Variants in KCNQ1 observed in about 807,000 individuals in gnomAD.
The protein encoded by KCNQ1 is potassium voltage-gated channel subfamily KQT member 1.
In KCNQ1, 49 loss-of-function variants were observed where a neutral mutation model predicts 72.4. The ratio of observed to expected loss-of-function variants is 0.68; its 90% CI spans 0.54 to 0.86. The LOEUF (loss-of-function observed/expected upper bound fraction) is 0.86, where lower values mean the gene tolerates loss of function less well. Ranked by LOEUF, KCNQ1 falls within the 40% of genes least tolerant of loss-of-function variation. The pLI, the probability that KCNQ1 is intolerant of heterozygous loss-of-function variation, is 0.00. For missense variants in KCNQ1, 790 were observed against 945.1 expected (o/e 0.84, Z 2.15); for synonymous variants, 450 against 412.6 (o/e 1.09, Z -1.10).
intron 1 of KCNQ1, among the ~76,000 whole-genome samples, chr11:2,523,167 C>T (rs983889576): frequency 6.6e-5 from 10 of 152,196 alleles, no homozygotes; most frequent in African/African-American, 1.9e-4. Context: ...TAACCAGCAT[C>T]CATCACTGCT....
chr11:2,501,150 A>G (rs1029524520), intron 1 of KCNQ1, among the ~76,000 whole-genome samples: 2 of 152,338 alleles, frequency 1.3e-5, no homozygotes, highest in Non-Finnish European at 1.5e-5. Context: ...GAGTAAGTCA[A>G]CCTAAAATTA....
In KCNQ1 at chr11:2,627,486, T is replaced by C; in HGVS notation, c.1394-34475T>C. The C allele has an allele frequency of 5.0e-6, 2 of 398,544 alleles. No individual in the cohort carries two copies. 24.7% of individuals were successfully genotyped at this position (398,544 alleles called of 1,614,324 possible). On this transcript the variant is annotated intron_variant, in intron 10 of 15. Transcript: ENST00000155840. The surrounding 1 kb of genome is among the most constrained non-coding windows in gnomAD (Gnocchi z 4.9). ...ACTCCCTGACCCCTAGTAACCACCC[T>C]TCTACTCTCCGTTTCTCTGAGTTCA...
Position 2,769,465 on chromosome 11 carries a change from C to T in KCNQ1, c.1590+546C>T, listed in dbSNP as rs535430229. Among the ~76,000 whole-genome samples, 2 of 152,274 alleles carry T rather than the reference C, an allele frequency of 1.3e-5. No homozygotes were observed. The highest frequency in any genetic ancestry group is 2.1e-4 in the South Asian group (1 of 4,822). On this transcript the variant is annotated intron_variant, in intron 12 of 15. Transcript: ENST00000155840. The surrounding 1 kb of genome is among the most constrained non-coding windows in gnomAD (Gnocchi z 4.6). The stretch of plus-strand genomic sequence containing the variant: ...CCTTGGCCAGGTGAGGCTGGAGCTC[C>T]AGGGCTTCCATAAGCTGCCCTAACT...
chr11:2,453,946 A>AT (rs1846148784), intron 1 of KCNQ1, among the ~76,000 whole-genome samples: 1 of 152,074 alleles, frequency 6.6e-6, no homozygotes, highest in Non-Finnish European at 1.5e-5. Context: ...TTATTTAATT[A>AT]TTTTTTTCAG....
rs1364024550 is a variant in KCNQ1 at position 2,665,321 on chromosome 11, AAGT to A, written c.1514+3243_1514+3245del. On this transcript the variant is annotated intron_variant, in intron 11 of 15. Coordinates refer to ENST00000155840, the MANE Select transcript of KCNQ1 (RefSeq NM_000218.3). The stretch of plus-strand genomic sequence containing the variant: ...ACAGGGCTTCTGAGAGAAAGGTGGG[AAGT>A]AGAGACTGTAGGCCTGCATGGGCAG... 3 of 398,092 alleles carry A rather than the reference AAGT, an allele frequency of 7.5e-6. No homozygotes were observed. In the East Asian group the frequency reaches 1.1e-4, roughly 14 times the overall value. The allele number at this position is 398,092 out of a possible 1,614,324, so 24.7% of individuals were successfully genotyped here.
rs1847913055 is a variant in KCNQ1, at chr11:2,547,272, C to A, written c.477+19254C>A. Among the ~76,000 whole-genome samples the A allele has an allele frequency of 6.6e-6, 1 of 152,162 alleles. No homozygotes were observed. Among genetic ancestry groups the A allele is most frequent in the Admixed American group, 6.5e-5 (1 of 15,272 alleles). On this transcript the variant is annotated intron_variant, in intron 2 of 15. Transcript: ENST00000155840. The surrounding 1 kb of genome is among the most constrained non-coding windows in gnomAD (Gnocchi z 4.2). ...TGCGAAACAGTTTCCCTCTGTTGCC[C>A]AGGCTAGAGTGCAGTGGCATGATCT...
In KCNQ1 at chr11:2,623,912, A is replaced by T; in HGVS notation, c.1393+35058A>T. On this transcript the variant is annotated intron_variant, in intron 10 of 15. Coordinates refer to ENST00000155840, the MANE Select transcript of KCNQ1 (RefSeq NM_000218.3). This position sits in a 1 kb window ranked among gnomAD's most constrained non-coding sequence, Gnocchi z 5.2. Reference sequence around the variant, plus strand: ...TTCAGAAGTGGAATTGATGGATCCTATGATAATTCCATTTTTAATTCTTTG... The same window carrying T: ...TTCAGAAGTGGAATTGATGGATCCTTTGATAATTCCATTTTTAATTCTTTG... 2.5e-6 allele frequency: 1 copy of T among 398,582 alleles called. No individual in the cohort carries two copies. Among genetic ancestry groups the T allele is most frequent in the Non-Finnish European group, 4.4e-6 (1 of 226,046 alleles). 24.7% of individuals were successfully genotyped at this position (398,582 alleles called of 1,614,324 possible). A position where few individuals can be genotyped will look rare whatever the true frequency, so the allele number is the denominator to read the frequency against.
intron 10 of KCNQ1, chr11:2,648,311 T>G (rs945912310): frequency 2.0e-5 from 8 of 398,470 alleles, no homozygotes; most frequent in Middle Eastern, 6.2e-4. Context: ...TCCTTCTAAT[T>G]TTAGGTTTGA....
In KCNQ1 at chr11:2,484,073, G is replaced by A. The variant is rs1366315818; in HGVS notation, c.386+38589G>A. On this transcript the variant is annotated intron_variant, in intron 1 of 15. Coordinates refer to ENST00000155840, the MANE Select transcript of KCNQ1 (RefSeq NM_000218.3). The surrounding 1 kb of genome is among the most constrained non-coding windows in gnomAD (Gnocchi z 5.2). Reference sequence around the variant, plus strand: ...GAGCTGTCCCCTTTGTTCTGGTTATGTATCCAGTGGCTTATGTATATCAGC... The same window carrying A: ...GAGCTGTCCCCTTTGTTCTGGTTATATATCCAGTGGCTTATGTATATCAGC... Among the ~76,000 whole-genome samples the A allele has an allele frequency of 6.6e-6, 1 of 152,160 alleles. No individual in the cohort carries two copies. The highest frequency in any genetic ancestry group is 1.5e-5 in the Non-Finnish European group (1 of 68,020).
chr11:2,614,529 C>T, intron 10 of KCNQ1: 2 of 398,242 alleles, frequency 5.0e-6, no homozygotes, highest in Non-Finnish European at 8.9e-6. Flanking sequence ...ATTTTTTGGT[C>T]TCTGATACAT....
In KCNQ1 at chr11:2,537,385, G is replaced by C. The variant is rs1847750450; in HGVS notation, c.477+9367G>C. On this transcript the variant is annotated intron_variant, in intron 2 of 15. Coordinates refer to ENST00000155840, the MANE Select transcript of KCNQ1 (RefSeq NM_000218.3). This position sits in a 1 kb window ranked among gnomAD's most constrained non-coding sequence, Gnocchi z 5.2. Reference sequence around the variant, plus strand: ...TAGCAGGATAATTTTGGAAAGAGCAGTTGCTAGGGGCATTTAAACTTGCAG... The same window carrying C: ...TAGCAGGATAATTTTGGAAAGAGCACTTGCTAGGGGCATTTAAACTTGCAG... Among the ~76,000 whole-genome samples the C allele has an allele frequency of 1.3e-5, 2 of 152,130 alleles. No individual in the cohort carries two copies. Among genetic ancestry groups the C allele is most frequent in the African/African-American group, 4.8e-5 (2 of 41,354 alleles).
Position 2,813,435 on chromosome 11 carries a change from C to T in KCNQ1, c.1795-34332C>T, listed in dbSNP as rs1332907952. ...CCCGCCTGCCCGTCAGTGCTTAGAGCAAATGCCCCTCCCCCGCCATCTTTT... is the reference window on the plus strand; with the variant it reads ...CCCGCCTGCCCGTCAGTGCTTAGAGTAAATGCCCCTCCCCCGCCATCTTTT... On this transcript the variant is annotated intron_variant, in intron 15 of 15. Transcript: ENST00000155840. The surrounding 1 kb of genome is among the most constrained non-coding windows in gnomAD (Gnocchi z 4.4). Among the ~76,000 whole-genome samples, 5 of 151,844 alleles carry T rather than the reference C, an allele frequency of 3.3e-5. No individual in the cohort carries two copies. The highest frequency in any genetic ancestry group is 2.0e-4 in the Admixed American group (3 of 15,270).
At chr11:2,551,700 C>T (rs1334722263) in intron 2 of KCNQ1, among the ~76,000 whole-genome samples, 1 of 152,198 alleles carries the variant, frequency 6.6e-6, no homozygotes, top group Non-Finnish European at 1.5e-5. Context: ...ATGGTAGGCC[C>T]GTTTTCCACT....
intron 3 of KCNQ1, 122 bp from the exon 4 acceptor site, chr11:2,571,203 C>T (rs1848327913): frequency 1.2e-6 from 1 of 811,290 alleles, no homozygotes; most frequent in South Asian, 1.4e-5. Flanking sequence ...TGTCCCCGGT[C>T]ATCAGGGCGT....
intron 10 of KCNQ1, chr11:2,649,327 T>A: frequency 5.0e-6 from 2 of 398,542 alleles, no homozygotes; most frequent in Non-Finnish European, 4.4e-6. Flanking sequence ...TTTTCTGTAG[T>A]GATAATCTTT....
In KCNQ1 at chr11:2,450,135, C is replaced by A. The variant is rs925380827; in HGVS notation, c.386+4651C>A. ...CCCTCCGTAGCCCTGACATTCCAAA[C>A]TGGCTTTTGGCCCCTGCGATATCTT... On this transcript the variant is annotated intron_variant, in intron 1 of 15. Coordinates refer to ENST00000155840, the MANE Select transcript of KCNQ1 (RefSeq NM_000218.3). The surrounding 1 kb of genome is among the most constrained non-coding windows in gnomAD (Gnocchi z 7.9). Among the ~76,000 whole-genome samples, 1 of 152,232 alleles carries A rather than the reference C, an allele frequency of 6.6e-6. No homozygotes were observed. The highest frequency in any genetic ancestry group is 6.5e-5 in the Admixed American group (1 of 15,292).
At position 2,663,202 on chromosome 11, in the gene KCNQ1, A is replaced by G. The variant is rs115005980; in HGVS notation, c.1514+1121A>G. ...AGGTTGGCAGTACCTCATGGTGGGT[A>G]GGGTGTGAAGAGGCTCCAAGGGAGC... On this transcript the variant is annotated intron_variant, in intron 11 of 15. Coordinates refer to ENST00000155840, the MANE Select transcript of KCNQ1 (RefSeq NM_000218.3). This position sits in a 1 kb window ranked among gnomAD's most constrained non-coding sequence, Gnocchi z 5.2. 1.3e-3 allele frequency: 521 copies of G among 398,716 alleles called. 4 individuals are homozygous for G. Among genetic ancestry groups the G allele is most frequent in the African/African-American group, 8.4e-3 (410 of 48,738 alleles). 24.7% of individuals were successfully genotyped at this position (398,716 alleles called of 1,614,324 possible). A position where few individuals can be genotyped will look rare whatever the true frequency, so the allele number is the denominator to read the frequency against.
chr11:2,845,095 G>A (rs1164382778), intron 15 of KCNQ1, among the ~76,000 whole-genome samples: 4 of 152,184 alleles, frequency 2.6e-5, no homozygotes, highest in Admixed American at 2.6e-4. Flanking sequence ...CCCCTACCAG[G>A]CATGAGCAGG....
chr11:2,736,456 C>T lies in KCNQ1; in HGVS notation c.1515-32388C>T, dbSNP rs190558337. On this transcript the variant is annotated intron_variant, in intron 11 of 15. Transcript: ENST00000155840. The stretch of plus-strand genomic sequence containing the variant: ...AGTGGGCTTGGGAGAGCCTGAGGGG[C>T]CTCTGGGGTTAGACGGTGGCCCCCG... Among the ~76,000 whole-genome samples, 373 of 152,190 alleles carry T rather than the reference C, an allele frequency of 2.5e-3. 1 individual carries two copies. The highest frequency in any genetic ancestry group is 8.2e-3 in the African/African-American group (339 of 41,508).
Sources: allele counts gnomAD v4.1 joint callset (sites outside exome capture counted in the v4.1 genomes callset), GRCh38; gene constraint gnomAD v4.1.1; non-coding constraint Gnocchi (gnomAD v3.1); transcripts MANE v1.5; gene names NCBI Gene and HGNC (gene_info 2026-07-23, HGNC 2026-07-21).